CDK19: variants seen among roughly 807,000 people sequenced by gnomAD.
The protein encoded by CDK19 is cyclin dependent kinase 19.
A neutral mutation model predicts 68.3 loss-of-function variants in CDK19; 20 were observed. The ratio of observed to expected loss-of-function variants is 0.29; its 90% confidence interval spans 0.21 to 0.43. CDK19 has a LOEUF of 0.43. Among genes scored for constraint, CDK19 ranks in the 20% least tolerant of loss-of-function variants. CDK19 has a pLI of 1.00. For missense variants in CDK19, 339 were observed against 623.5 expected (o/e 0.54, Z 4.86); for synonymous variants, 221 against 222.8 (o/e 0.99, Z 0.07).
chr6:110,698,974 G>A (rs1773742361), intron 2 of CDK19, among the ~76,000 whole-genome samples: 1 of 151,140 alleles, frequency 6.6e-6, no homozygotes, highest in Non-Finnish European at 1.5e-5. Flanking sequence ...GGATTGCTTG[G>A]GCCCAGGAGG....
At chr6:110,746,799 T>C (rs1377643182) in intron 1 of CDK19, among the ~76,000 whole-genome samples, 2 of 152,194 alleles carry the variant, frequency 1.3e-5, no homozygotes, top group Non-Finnish European at 2.9e-5. Context: ...GTAGTTAAAG[T>C]GGATTTTTCA....
chr6:110,775,150 C>A (rs1780312358), intron 1 of CDK19, among the ~76,000 whole-genome samples: 1 of 151,744 alleles, frequency 6.6e-6, no homozygotes, highest in Non-Finnish European at 1.5e-5. Flanking sequence ...GAGGCTGAGG[C>A]AGGAAAATTG....
Position 110,759,428 on chromosome 6 carries a change from A to AAAAAAAT in CDK19, c.129-13228_129-13227insATTTTTT, listed in dbSNP as rs1275389842. 7.5e-4 allele frequency among the ~76,000 whole-genome samples: 38 copies of AAAAAAAT among 50,908 alleles called. 1 individual carries two copies. The East Asian group carries it at 0.019, about 25-fold the overall frequency. 33.4% of individuals were successfully genotyped at this position (50,908 alleles called of 152,430 possible). Reference sequence around the variant, plus strand: ...TTAAAAAAAAAAAAAAAAAAAAAAAAATATATATATATATATATATATAAA... The same window carrying AAAAAAAT: ...TTAAAAAAAAAAAAAAAAAAAAAAAAAAAAAATATATATATATATATATATATATAAA... On this transcript the variant is annotated intron_variant, in intron 1 of 12. Transcript: ENST00000368911.
intron 2 of CDK19, among the ~76,000 whole-genome samples, chr6:110,682,202 T>C (rs1342927301): frequency 6.6e-6 from 1 of 152,208 alleles, no homozygotes; most frequent in Non-Finnish European, 1.5e-5. Flanking sequence ...TCTTTTTTGA[T>C]CTCTTTTAAG....
At chr6:110,808,674 G>A (rs1303942017) in intron 1 of CDK19, among the ~76,000 whole-genome samples, 1 of 152,128 alleles carries the variant, frequency 6.6e-6, no homozygotes, top group Non-Finnish European at 1.5e-5. Context: ...AACATAAACA[G>A]ATGTCTACTT....
chr6:110,814,250 G>A lies in CDK19; in HGVS notation c.128+759C>T, dbSNP rs149021777. The A allele has an allele frequency of 1.9e-3, 557 of 290,606 alleles. 8 individuals carry two copies. Among genetic ancestry groups the A allele is most frequent in the African/African-American group, 0.012 (492 of 42,306 alleles). The allele number at this position is 290,606 out of a possible 1,614,324, so 18.0% of individuals were successfully genotyped here. On this transcript the variant is annotated intron_variant, in intron 1 of 12. Transcript: ENST00000368911. ...ATGGAGTGGAGGACATAATACCCAA[G>A]ATACCCAAGGGGCTGCAAGGTAAAG...
chr6:110,703,592 C>T (rs992115831), intron 2 of CDK19, among the ~76,000 whole-genome samples: 6 of 152,130 alleles, frequency 3.9e-5, no homozygotes, highest in Non-Finnish European at 7.4e-5. Context: ...CTAGTCCCAG[C>T]ACTTTACCAG....
intron 4 of CDK19, chr6:110,645,838 G>A (rs555199243): frequency 1.8e-5 from 11 of 612,014 alleles, no homozygotes; most frequent in Admixed American, 4.9e-5. Flanking sequence ...GACGCGCCGC[G>A]CTTCCTCCTG....
chr6:110,663,970 C>T (rs537787228), intron 4 of CDK19, among the ~76,000 whole-genome samples: 1 of 152,212 alleles, frequency 6.6e-6, no homozygotes, highest in Admixed American at 6.5e-5. Flanking sequence ...GTGTTCATGC[C>T]ATTGATGAGG....
At chr6:110,696,497 G>C (rs567570025) in intron 2 of CDK19, among the ~76,000 whole-genome samples, 1 of 152,286 alleles carries the variant, frequency 6.6e-6, no homozygotes, top group South Asian at 2.1e-4. Context: ...GTCCTAGCCA[G>C]AGCAATCAGA....
chr6:110,746,103 T>TTTTATTTTATTTTA (rs745501678), intron 2 of CDK19, 23 bp downstream of exon 2: 35 of 1,307,874 alleles, frequency 2.7e-5, no homozygotes, highest in Non-Finnish European at 3.5e-5. Context: ...ATAAAATAAA[T>TTTTATTTTATTTTA]AACTGTATTT....
At chr6:110,795,013 A>G (rs1781845879) in intron 1 of CDK19, among the ~76,000 whole-genome samples, 1 of 152,146 alleles carries the variant, frequency 6.6e-6, no homozygotes, top group South Asian at 2.1e-4. Flanking sequence ...TCTGTCGCCA[A>G]ATCTTGAGTG....
chr6:110,813,755 A>T (rs1372479214), intron 1 of CDK19: 1 of 152,258 alleles, frequency 6.6e-6, no homozygotes, highest in Admixed American at 6.5e-5. Context: ...CACACAACGT[A>T]CTTTAGTCCT....
intron 6 of CDK19, among the ~76,000 whole-genome samples, chr6:110,629,374 T>C (rs1779296309): frequency 6.6e-6 from 1 of 152,134 alleles, no homozygotes. Context: ...GCCCCAACAC[T>C]GCTTGTCACC....
chr6:110,645,876 G>A, intron 4 of CDK19: 2 of 720,364 alleles, frequency 2.8e-6, no homozygotes, highest in Non-Finnish European at 4.8e-6. Flanking sequence ...GACTATCGTA[G>A]ACGAAAACAG....
intron 2 of CDK19, among the ~76,000 whole-genome samples, chr6:110,711,721 A>T (rs886208225): frequency 6.6e-6 from 1 of 152,274 alleles, no homozygotes; most frequent in African/African-American, 2.4e-5. Context: ...CAATCCCAGC[A>T]CTTTGGGAGG....
At chr6:110,643,088 G>A (rs771366174) in intron 4 of CDK19, 3 of 695,048 alleles carry the variant, frequency 4.3e-6, no homozygotes, top group Non-Finnish European at 6.0e-6. Flanking sequence ...TAAGGAAGCT[G>A]AGCCTGCTAC....
rs761138528 is a variant in CDK19, at chr6:110,622,849, G to C, written c.997C>G (p.Pro333Ala). ...GGCAAAGGGTCCTCCTGAAAATAGG[G>C]ATCCTGCAGAGCTTGCTCCGAGGTA... ...RITSEQALQD[P>A]YFQEDPLPTL... The change falls in exon 10 of 13, where the codon CCC becomes GCC. Residue 333 changes from proline to alanine, a missense_variant. Physicochemically the swap from Pro to Ala is conservative, Grantham distance 27 (BLOSUM62 -1). Transcript: ENST00000368911. 6.2e-7 allele frequency: 1 copy of C among 1,613,334 alleles called. No individual in the cohort carries two copies. Among genetic ancestry groups the C allele is most frequent in the South Asian group, 1.1e-5 (1 of 91,066 alleles).
chr6:110,672,429 C>G (rs2114457250), intron 2 of CDK19, among the ~76,000 whole-genome samples: 1 of 152,194 alleles, frequency 6.6e-6, no homozygotes, highest in Middle Eastern at 3.4e-3. Context: ...TCTGTGACTT[C>G]CAATTGTTGA....
Sources: gnomAD v4.1 joint callset for allele counts (sites outside exome capture counted in the v4.1 genomes callset) on GRCh38, gnomAD v4.1.1 for gene constraint, MANE v1.5 for transcripts, NCBI Gene and HGNC (gene_info 2026-07-23, HGNC 2026-07-21) for gene names.